The following OTOGL variants were observed in gnomAD, a reference collection of about 807,000 sequenced individuals.
The protein encoded by OTOGL is otogelin like.
In OTOGL, 285 loss-of-function variants were observed where a neutral mutation model predicts 318.5. That is an observed-to-expected ratio of 0.89 (90% CI 0.81 to 0.99). OTOGL has a LOEUF of 0.99. Among genes scored for constraint, OTOGL ranks in the 50% least tolerant of loss-of-function variants. OTOGL has a pLI of 0.00. For synonymous variants in OTOGL, 987 were observed against 936.5 expected (o/e 1.05, Z -0.99); for missense variants, 2,899 against 2,845.6 (o/e 1.02, Z -0.43).
intron 12 of OTOGL, 109 bp from the exon 13 acceptor site, chr12:80,251,967 T>G: frequency 1.5e-6 from 2 of 1,320,468 alleles, no homozygotes; most frequent in Non-Finnish European, 2.0e-6. Flanking sequence ...TTTTTGCAAT[T>G]AAAAGTTATT....
chr12:80,131,838 C>T (rs1436383869), intron 1 of OTOGL: 1 of 151,970 alleles, frequency 6.6e-6, no homozygotes, highest in Non-Finnish European at 1.5e-5. Context: ...TAGTAACTTT[C>T]CTGAAGTTTT....
At chr12:80,307,882 T>A (rs1175580250) in intron 29 of OTOGL, among the ~76,000 whole-genome samples, 25 of 94,200 alleles carry the variant, frequency 2.7e-4, no homozygotes, top group Admixed American at 4.3e-4. Context: ...CCCCCCCACC[T>A]CCCTCCCTCC....
intron 31 of OTOGL, 79 bp downstream of exon 31, chr12:80,313,711 T>C: frequency 8.0e-7 from 1 of 1,249,108 alleles, no homozygotes; most frequent in Non-Finnish European, 1.1e-6. Flanking sequence ...AGCTTAGAAA[T>C]AATGCCAGGA....
At chr12:80,105,227 A>G (rs772250364) in intron 1 of OTOGL, among the ~76,000 whole-genome samples, 2 of 152,236 alleles carry the variant, frequency 1.3e-5, no homozygotes, top group South Asian at 4.1e-4. Flanking sequence ...GAACATAAAC[A>G]ATAGCAGTAA....
intron 43 of OTOGL, among the ~76,000 whole-genome samples, chr12:80,341,648 A>T (rs1888775029): frequency 6.6e-6 from 1 of 152,192 alleles, no homozygotes; most frequent in East Asian, 1.9e-4. Flanking sequence ...GTAATGGAAG[A>T]GTATAGGAAC....
rs540529882 is a variant in OTOGL, at chr12:80,243,386, C to G, written c.1052+3947C>G. Among the ~76,000 whole-genome samples, 37 of 152,026 alleles carry G rather than the reference C, an allele frequency of 2.4e-4. 1 individual carries two copies. The South Asian group carries it at 7.1e-3, about 29-fold the overall frequency. On this transcript the variant is annotated intron_variant, in intron 11 of 58. Transcript: ENST00000547103. ...TCATTCTCAGATGAATTTCAGAAATCATCATTCTCAGATGAAGTAAAAACT... is the reference window on the plus strand; with the variant it reads ...TCATTCTCAGATGAATTTCAGAAATGATCATTCTCAGATGAAGTAAAAACT...
intron 1 of OTOGL, among the ~76,000 whole-genome samples, chr12:80,121,211 C>T (rs999844208): frequency 4.6e-5 from 7 of 152,246 alleles, no homozygotes; most frequent in Admixed American, 1.3e-4. Flanking sequence ...CATAATAAAC[C>T]ACCTGTTTGT....
At chr12:80,294,751 T>G (rs1885268025) in intron 26 of OTOGL, among the ~76,000 whole-genome samples, 2 of 152,194 alleles carry the variant, frequency 1.3e-5, no homozygotes, top group Admixed American at 6.5e-5. Context: ...GTTTTCATAT[T>G]GCCAGTGTTG....
chr12:80,114,066 C>G (rs1213261041), intron 1 of OTOGL, among the ~76,000 whole-genome samples: 1 of 152,104 alleles, frequency 6.6e-6, no homozygotes, highest in African/African-American at 2.4e-5. Context: ...ACTCTTTATC[C>G]AATTTGCCAG....
chr12:80,099,721 A>G (rs1869020172), intron 1 of OTOGL, 116 bp downstream of exon 1: 1 of 152,200 alleles, frequency 6.6e-6, no homozygotes, highest in African/African-American at 2.4e-5. Flanking sequence ...TGAAGCATTT[A>G]CAATATAACC....
Position 80,366,559 on chromosome 12 carries a change from G to C in OTOGL, c.6268-15G>C. ...ATAAGCTAAATGATAAGTAATAGTA[G>C]TATATTTTCAATAGGGAGAATTTAC... is the stretch of plus-strand genomic sequence containing the variant. On this transcript the variant is annotated splice_polypyrimidine_tract_variant and intron_variant, in intron 52 of 58. Coordinates refer to ENST00000547103, the MANE Select transcript of OTOGL (RefSeq NM_001378609.3). 1.0e-6 allele frequency: 1 copy of C among 969,940 alleles called. No individual in the cohort carries two copies. Among genetic ancestry groups the C allele is most frequent in the Non-Finnish European group, 1.4e-6 (1 of 729,434 alleles). 60.1% of individuals were successfully genotyped at this position (969,940 alleles called of 1,614,324 possible).
Position 80,134,321 on chromosome 12 carries a change from G to A in OTOGL, c.-20+34716G>A, listed in dbSNP as rs76533738. On this transcript the variant is annotated intron_variant, in intron 1 of 58. Transcript: ENST00000547103. Reference sequence around the variant, plus strand: ...CATCCTTTGATGTCTATCTTAAAGGGCACTTCTTTAGGGACCTGCTATCAT... The same window carrying A: ...CATCCTTTGATGTCTATCTTAAAGGACACTTCTTTAGGGACCTGCTATCAT... Among the ~76,000 whole-genome samples, 546 of 152,238 alleles carry A rather than the reference G, an allele frequency of 3.6e-3. 3 individuals carry two copies. The highest frequency in any genetic ancestry group is 0.013 in the African/African-American group (520 of 41,554).
intron 58 of OTOGL, 119 bp downstream of exon 58, chr12:80,377,321 A>G (rs1891224629): frequency 1.6e-6 from 1 of 625,452 alleles, no homozygotes; most frequent in Non-Finnish European, 2.7e-6. Context: ...TTTAACTGAG[A>G]TTATTCCTAC....
intron 30 of OTOGL, among the ~76,000 whole-genome samples, chr12:80,312,109 TA>T (rs1353463423): frequency 2.0e-5 from 3 of 152,264 alleles, no homozygotes; most frequent in African/African-American, 7.2e-5. Flanking sequence ...AAGAACTTTT[TA>T]AAAAATGATA....
intron 1 of OTOGL, among the ~76,000 whole-genome samples, chr12:80,198,720 A>G (rs959818131): frequency 6.6e-6 from 1 of 152,188 alleles, no homozygotes; most frequent in African/African-American, 2.4e-5. Flanking sequence ...ATCACCATCA[A>G]CTTAATTAGT....
chr12:80,341,038 A>G (rs529560984), intron 43 of OTOGL, among the ~76,000 whole-genome samples: 36 of 151,516 alleles, frequency 2.4e-4, no homozygotes, highest in African/African-American at 8.2e-4. Flanking sequence ...CTCCTTGGGA[A>G]TTAAGATTTG....
intron 47 of OTOGL, 73 bp from the exon 48 acceptor site, chr12:80,356,343 G>C: frequency 1.7e-6 from 2 of 1,168,384 alleles, no homozygotes; most frequent in Non-Finnish European, 2.5e-6. Context: ...TGAGTTGGCA[G>C]TCATTTCCCT....
chr12:80,377,843 TAC>T lies in OTOGL; in HGVS notation c.6862-3_6862-2del. 1 of 1,599,370 alleles carries T rather than the reference TAC, an allele frequency of 6.3e-7. No homozygotes were observed. The highest frequency in any genetic ancestry group is 8.6e-7 in the Non-Finnish European group (1 of 1,168,996). ...GACTTTTTTTCTCATTGTCACTTCT[TAC>T]AGATAAATGTTGCATCTTGTGACGG... On this transcript the variant is annotated splice_polypyrimidine_tract_variant and splice_region_variant and intron_variant, in intron 58 of 58. Coordinates refer to ENST00000547103, the MANE Select transcript of OTOGL (RefSeq NM_001378609.3).
intron 1 of OTOGL, among the ~76,000 whole-genome samples, chr12:80,197,175 G>A (rs572211523): frequency 2.6e-5 from 4 of 152,152 alleles, no homozygotes; most frequent in Non-Finnish European, 5.9e-5. Flanking sequence ...GCCATTTCAA[G>A]TTGTCCCACC....
Sources: gnomAD v4.1 joint callset for allele counts (sites outside exome capture counted in the v4.1 genomes callset) on GRCh38, gnomAD v4.1.1 for gene constraint, MANE v1.5 for transcripts, NCBI Gene and HGNC (gene_info 2026-07-23, HGNC 2026-07-21) for gene names.